Variants in NEK10 observed in about 807,000 individuals in gnomAD.
The protein encoded by NEK10 is serine/threonine-protein kinase Nek10.
NEK10 carries 122 observed loss-of-function variants against 159.8 expected under a neutral mutation model. That is an observed-to-expected ratio of 0.76 (90% confidence interval 0.66 to 0.89). NEK10 has a LOEUF of 0.89. Ranked by LOEUF, NEK10 falls within the 40% of genes least tolerant of loss-of-function variation. The pLI, the probability that NEK10 is intolerant of heterozygous loss-of-function variation, is 0.00. For missense variants in NEK10, 1,342 were observed against 1,323.1 expected (o/e 1.01, Z -0.22); for synonymous variants, 466 against 457.1 (o/e 1.02, Z -0.25).
At chr3:27,350,334 T>C (rs2047880427) in intron 3 of NEK10, among the ~76,000 whole-genome samples, 1 of 152,154 alleles carries the variant, frequency 6.6e-6, no homozygotes, top group Admixed American at 6.6e-5. Context: ...ACACTTTCTG[T>C]CTCTTTATAA....
At chr3:27,244,065 C>T (rs1034681299) in intron 23 of NEK10, among the ~76,000 whole-genome samples, 5 of 152,172 alleles carry the variant, frequency 3.3e-5, no homozygotes, top group Non-Finnish European at 5.9e-5. Context: ...AACTGTCAGG[C>T]TGAGAGATAC....
chr3:27,194,849 T>A (rs1375404287), intron 25 of NEK10, among the ~76,000 whole-genome samples: 5 of 152,192 alleles, frequency 3.3e-5, no homozygotes, highest in African/African-American at 9.6e-5. Flanking sequence ...ACAGACAATA[T>A]TCTCTTAATA....
intron 1 of NEK10, among the ~76,000 whole-genome samples, chr3:27,354,903 C>T (rs1020025846): frequency 1.3e-5 from 2 of 152,198 alleles, no homozygotes; most frequent in Non-Finnish European, 1.5e-5. Flanking sequence ...AGGCACTCCT[C>T]TCTTGTGGTA....
intron 29 of NEK10, among the ~76,000 whole-genome samples, chr3:27,164,819 T>A (rs1017943778): frequency 6.6e-6 from 1 of 152,262 alleles, no homozygotes; most frequent in African/African-American, 2.4e-5. Context: ...CATCAGGTTA[T>A]ACATGTTCTT....
At chr3:27,193,990 TAA>T (rs1949349022) in intron 25 of NEK10, 2 of 152,264 alleles carry the variant, frequency 1.3e-5, no homozygotes, top group African/African-American at 4.8e-5. Flanking sequence ...GCGTAACATC[TAA>T]AAAGTTTACC....
At chr3:27,142,551 T>A (rs571827269) in intron 30 of NEK10, among the ~76,000 whole-genome samples, 1 of 152,228 alleles carries the variant, frequency 6.6e-6, no homozygotes, top group African/African-American at 2.4e-5. Flanking sequence ...CCTCTTTTCT[T>A]CCCTTCACAC....
chr3:27,331,343 C>G (rs1361109606), intron 5 of NEK10, among the ~76,000 whole-genome samples: 3 of 151,228 alleles, frequency 2.0e-5, no homozygotes, highest in African/African-American at 7.3e-5. Flanking sequence ...ACATCTGTCT[C>G]TAGGGAGGTT....
chr3:27,320,343 CAG>C (rs1286678684), intron 6 of NEK10, among the ~76,000 whole-genome samples: 5 of 152,176 alleles, frequency 3.3e-5, no homozygotes, highest in Non-Finnish European at 7.4e-5. Context: ...TCTGAACAAA[CAG>C]AACATCTCTA....
Position 27,143,580 on chromosome 3 carries a change from T to C in NEK10, c.2870-1998A>G, listed in dbSNP as rs1164617772. 6 of 589,822 alleles carry C rather than the reference T, an allele frequency of 1.0e-5. No homozygotes were observed. The Admixed American group carries it at 1.7e-4, about 17-fold the overall frequency. The allele number at this position is 589,822 out of a possible 1,614,324, so 36.5% of individuals were successfully genotyped here. A position where few individuals can be genotyped will look rare whatever the true frequency, so the allele number is the denominator to read the frequency against. On this transcript the variant is annotated intron_variant, in intron 30 of 35. Coordinates refer to ENST00000691995, the MANE Select transcript of NEK10 (RefSeq NM_001394966.1). ...ATTTTTATTGAGACCCTTTGACCAC[T>C]ACCCTCACAATCCCAACACATCCTT... is the stretch of plus-strand genomic sequence containing the variant.
intron 23 of NEK10, among the ~76,000 whole-genome samples, chr3:27,230,535 C>A (rs145859542): frequency 2.0e-5 from 3 of 151,856 alleles, no homozygotes; most frequent in African/African-American, 4.8e-5. Flanking sequence ...TAACAATGAA[C>A]GTAAATGGCC....
chr3:27,222,709 T>C (rs2149162762), intron 23 of NEK10, among the ~76,000 whole-genome samples: 1 of 152,300 alleles, frequency 6.6e-6, no homozygotes, highest in African/African-American at 2.4e-5. Context: ...AAATATATTT[T>C]GGTTAAACTG....
At chr3:27,162,890 A>C (rs1946146196) in intron 29 of NEK10, 152 bp from the exon 30 acceptor site, 1 of 945,180 alleles carries the variant, frequency 1.1e-6, no homozygotes, top group Admixed American at 2.8e-5. Flanking sequence ...GAGGGAAATA[A>C]ATATATTGCA....
chr3:27,191,434 C>T (rs944726106), intron 26 of NEK10, among the ~76,000 whole-genome samples: 9 of 152,216 alleles, frequency 5.9e-5, no homozygotes, highest in African/African-American at 2.2e-4. Flanking sequence ...GCAACAAGAG[C>T]ATCACTGGCA....
chr3:27,173,299 T>C (rs560470246), intron 28 of NEK10, among the ~76,000 whole-genome samples: 1 of 152,304 alleles, frequency 6.6e-6, no homozygotes, highest in African/African-American at 2.4e-5. Context: ...AGCATCTCTT[T>C]CCTACCTCCC....
intron 23 of NEK10, among the ~76,000 whole-genome samples, chr3:27,226,146 C>T (rs1480977335): frequency 6.6e-6 from 1 of 151,888 alleles, no homozygotes; most frequent in African/African-American, 2.4e-5. Context: ...ATTCTCCTGC[C>T]TCAGCCTCCG....
chr3:27,119,400 T>C (rs946685795), intron 33 of NEK10, among the ~76,000 whole-genome samples: 13 of 152,200 alleles, frequency 8.5e-5, no homozygotes, highest in African/African-American at 3.1e-4. Context: ...TTCAAGGGTT[T>C]CTCTATTTTG....
At chr3:27,133,920 C>T (rs1001028142) in intron 31 of NEK10, among the ~76,000 whole-genome samples, 1 of 152,160 alleles carries the variant, frequency 6.6e-6, no homozygotes, top group Non-Finnish European at 1.5e-5. Context: ...CTCCTCTGAC[C>T]TCTTTTCAGG....
At chr3:27,240,137 TG>T (rs1954386845) in intron 23 of NEK10, among the ~76,000 whole-genome samples, 1 of 152,198 alleles carries the variant, frequency 6.6e-6, no homozygotes, top group Non-Finnish European at 1.5e-5. Flanking sequence ...GTGAGGAGTC[TG>T]GGCAATTAAA....
At chr3:27,153,951 C>G (rs1945145767) in intron 30 of NEK10, among the ~76,000 whole-genome samples, 1 of 151,792 alleles carries the variant, frequency 6.6e-6, no homozygotes, top group South Asian at 2.1e-4. Context: ...AGGAAATAAC[C>G]AAGATCAAAG....
Sources: allele counts gnomAD v4.1 joint callset (sites outside exome capture counted in the v4.1 genomes callset), GRCh38; gene constraint gnomAD v4.1.1; transcripts MANE v1.5; gene names NCBI Gene and HGNC (gene_info 2026-07-23, HGNC 2026-07-21).